Variants in BCAS3 observed in about 807,000 individuals in gnomAD.
The protein encoded by BCAS3 is BCAS3 microtubule associated cell migration factor, also known as BCAS4/BCAS3 fusion.
In BCAS3, 53 loss-of-function variants were observed where a neutral mutation model predicts 116.1. The ratio of observed to expected loss-of-function variants is 0.46; its 90% CI spans 0.37 to 0.57. BCAS3 has a LOEUF of 0.57. Ranked by LOEUF, BCAS3 falls within the 20% of genes least tolerant of loss-of-function variation. The pLI is 0.00. For missense variants in BCAS3, 917 were observed against 1,165.4 expected, an observed-to-expected ratio of 0.79 and a Z score of 3.10; for synonymous variants, 391 against 408.2, an observed-to-expected ratio of 0.96 and a Z score of 0.51.
chr17:61,110,002 TG>T (rs1180710176), intron 22 of BCAS3, among the ~76,000 whole-genome samples: 1 of 152,238 alleles, frequency 6.6e-6, no homozygotes, highest in Admixed American at 6.5e-5. Flanking sequence ...TTCTTGGTCA[TG>T]AAGTATTTGC....
intron 2 of BCAS3, among the ~76,000 whole-genome samples, chr17:60,682,965 TG>T (rs2033411674): frequency 6.6e-6 from 1 of 152,152 alleles, no homozygotes; most frequent in Non-Finnish European, 1.5e-5. Flanking sequence ...TTTTTAGAGA[TG>T]GGGTCTTGCT....
chr17:60,851,526 CT>C (rs1406511130), intron 7 of BCAS3: 37 of 605,420 alleles, frequency 6.1e-5, no homozygotes, highest in Non-Finnish European at 1.0e-4. Context: ...AAACCACCAT[CT>C]GTAAAGCTCT....
rs2061121609 is a variant in BCAS3 at position 60,956,139 on chromosome 17, T to C, written c.1221+8787T>C. ...TTTGGTCTCATAGATTCCTATTTTA[T>C]TCAATGGATTATATTTGTTCAATAA... On this transcript the variant is annotated intron_variant, in intron 14 of 23. Coordinates refer to ENST00000407086, the MANE Select transcript of BCAS3 (RefSeq NM_017679.5). The surrounding 1 kb of genome is among the most constrained non-coding windows in gnomAD (Gnocchi z 4.2). Among the ~76,000 whole-genome samples the C allele has an allele frequency of 6.6e-6, 1 of 152,240 alleles. No homozygotes were observed. Among genetic ancestry groups the C allele is most frequent in the African/African-American group, 2.4e-5 (1 of 41,462 alleles).
At chr17:60,790,386 G>A (rs1409665330) in intron 6 of BCAS3, among the ~76,000 whole-genome samples, 1 of 152,180 alleles carries the variant, frequency 6.6e-6, no homozygotes, top group Non-Finnish European at 1.5e-5. Flanking sequence ...GAAGTAGAAG[G>A]AAAATAGCCA....
intron 5 of BCAS3, among the ~76,000 whole-genome samples, chr17:60,717,406 G>A (rs536531941): frequency 6.6e-6 from 1 of 152,048 alleles, no homozygotes; most frequent in Admixed American, 6.6e-5. Context: ...AGTAGAGACG[G>A]GGTTTCGCCA....
At chr17:60,985,227 C>T (rs1255022321) in intron 14 of BCAS3, among the ~76,000 whole-genome samples, 1 of 145,088 alleles carries the variant, frequency 6.9e-6, no homozygotes, top group Non-Finnish European at 1.5e-5. Context: ...TTCACTGCAA[C>T]TTCTGCCTCC....
chr17:60,763,259 T>A (rs898893173), intron 6 of BCAS3, among the ~76,000 whole-genome samples: 2 of 152,216 alleles, frequency 1.3e-5, no homozygotes, highest in Admixed American at 1.3e-4. Flanking sequence ...AGAGAGGGCA[T>A]CCCTGTCTTG....
intron 6 of BCAS3, among the ~76,000 whole-genome samples, chr17:60,780,958 T>C (rs1598667795): frequency 6.6e-6 from 1 of 152,078 alleles, no homozygotes; most frequent in East Asian, 1.9e-4. Context: ...TCTGTTTTAT[T>C]TTTTGTCTTT....
chr17:61,011,041 G>A (rs2065077985), intron 15 of BCAS3, among the ~76,000 whole-genome samples: 1 of 151,970 alleles, frequency 6.6e-6, no homozygotes, highest in Non-Finnish European at 1.5e-5. Flanking sequence ...GAATTTGAAA[G>A]TATAATAGTG....
intron 6 of BCAS3, among the ~76,000 whole-genome samples, chr17:60,765,062 G>T (rs8066813): frequency 0.27 from 41,687 of 151,880 alleles, 11,429 homozygotes; most frequent in African/African-American, 0.71. Flanking sequence ...CCTCCATCCC[G>T]TTATTTTGAG....
At chr17:60,854,637 A>T (rs1326792567) in intron 7 of BCAS3, among the ~76,000 whole-genome samples, 1 of 152,218 alleles carries the variant, frequency 6.6e-6, no homozygotes, top group African/African-American at 2.4e-5. Context: ...AATCAAAACC[A>T]CAATGAGATA....
At chr17:60,754,471 A>C (rs576457596) in intron 6 of BCAS3, among the ~76,000 whole-genome samples, 55 of 152,230 alleles carry the variant, frequency 3.6e-4, no homozygotes, top group Middle Eastern at 6.8e-3. Context: ...CACTGGCCTC[A>C]GGTGATCCTC....
rs1567879773 is a variant in BCAS3 at position 60,924,501 on chromosome 17, G to T, written c.1087+1G>T. 6.3e-7 allele frequency: 1 copy of T among 1,591,580 alleles called. No individual in the cohort carries two copies. Among genetic ancestry groups the T allele is most frequent in the Admixed American group, 1.7e-5 (1 of 59,104 alleles). On this transcript the variant is annotated splice_donor_variant, in intron 13 of 23. Transcript: ENST00000407086. LOFTEE classifies it high-confidence loss of function. Reference sequence around the variant, plus strand: ...TGCTGCATGGCTTTTAATACAAGTGGTAAGTTCGCTCTCTGTCTTTTTTTT... The same window carrying T: ...TGCTGCATGGCTTTTAATACAAGTGTTAAGTTCGCTCTCTGTCTTTTTTTT...
chr17:61,172,519 C>G (rs967910171), intron 22 of BCAS3, among the ~76,000 whole-genome samples: 7 of 151,598 alleles, frequency 4.6e-5, no homozygotes, highest in Non-Finnish European at 8.8e-5. Flanking sequence ...CGCCTGTAGT[C>G]CTAGCTACTC....
In BCAS3 at chr17:61,045,894, AAT is replaced by A. The variant is rs1352002896; in HGVS notation, c.2029+5010_2029+5011del. ...ATATATAAATATATATTATATATAT[AAT>A]ATATATAAATATATATTTATATATA... On this transcript the variant is annotated intron_variant, in intron 19 of 23. Coordinates refer to ENST00000407086, the MANE Select transcript of BCAS3 (RefSeq NM_017679.5). Among the ~76,000 whole-genome samples the A allele has an allele frequency of 6.6e-4, 23 of 34,900 alleles. No homozygotes were observed. In the Admixed American group the frequency reaches 9.8e-3, roughly 15 times the overall value. 22.9% of individuals were successfully genotyped at this position (34,900 alleles called of 152,430 possible).
chr17:61,222,680 T>G lies in BCAS3; in HGVS notation c.2425+138116T>G, dbSNP rs921428128. ...TGTCACGTGGTATATGGGTTTTTTTTGTTTGTTTGTTTAATTTTCATTCAG... is the reference window on the plus strand; with the variant it reads ...TGTCACGTGGTATATGGGTTTTTTTGGTTTGTTTGTTTAATTTTCATTCAG... On this transcript the variant is annotated intron_variant, in intron 22 of 23. Coordinates refer to ENST00000407086, the MANE Select transcript of BCAS3 (RefSeq NM_017679.5). The surrounding 1 kb of genome is among the most constrained non-coding windows in gnomAD (Gnocchi z 6.1). Among the ~76,000 whole-genome samples, 5 of 150,700 alleles carry G rather than the reference T, an allele frequency of 3.3e-5. No homozygotes were observed. The highest frequency in any genetic ancestry group is 2.1e-4 in the South Asian group (1 of 4,832).
intron 7 of BCAS3, among the ~76,000 whole-genome samples, chr17:60,846,375 A>G (rs1249483284): frequency 2.0e-5 from 3 of 152,170 alleles, no homozygotes; most frequent in African/African-American, 7.2e-5. Flanking sequence ...CCAAGTTCTC[A>G]TTCAGATTGG....
chr17:60,733,772 A>G (rs1372157656), intron 5 of BCAS3, among the ~76,000 whole-genome samples: 1 of 152,128 alleles, frequency 6.6e-6, no homozygotes. Flanking sequence ...GCTTGAGCCC[A>G]GGAAGTTGAG....
chr17:61,369,627 A>T (rs1401189455), intron 23 of BCAS3, among the ~76,000 whole-genome samples: 5 of 152,068 alleles, frequency 3.3e-5, no homozygotes, highest in African/African-American at 1.2e-4. Flanking sequence ...CTTCACTAAG[A>T]CGTGTCATCT....
Sources: allele counts gnomAD v4.1 joint callset (sites outside exome capture counted in the v4.1 genomes callset), GRCh38; gene constraint gnomAD v4.1.1; non-coding constraint Gnocchi (gnomAD v3.1); transcripts MANE v1.5; gene names NCBI Gene and HGNC (gene_info 2026-07-23, HGNC 2026-07-21).